Variants in CLGN observed in about 807,000 individuals in gnomAD.
The protein encoded by CLGN is testis tissue sperm-binding protein Li 79P.
In CLGN, 62 loss-of-function variants were observed where a neutral mutation model predicts 79.1. The ratio of observed to expected loss-of-function variants is 0.78; its 90% CI spans 0.64 to 0.97. The LOEUF (loss-of-function observed/expected upper bound fraction) is 0.97. Among genes scored for constraint, CLGN ranks in the 50% least tolerant of loss-of-function variants. CLGN has a pLI of 0.00. For synonymous variants in CLGN, 225 were observed against 224.7 expected, an observed-to-expected ratio of 1.00 and a Z score of -0.01; for missense variants, 647 against 715.5, an observed-to-expected ratio of 0.90 and a Z score of 1.09.
Position 140,390,966 on chromosome 4 carries a change from G to A in CLGN, c.1652-238C>T, listed in dbSNP as rs112508276. Among the ~76,000 whole-genome samples, 803 of 151,854 alleles carry A rather than the reference G, an allele frequency of 5.3e-3. 10 individuals carry two copies. The highest frequency in any genetic ancestry group is 0.017 in the African/African-American group (718 of 41,536). On this transcript the variant is annotated intron_variant, in intron 13 of 14. Coordinates refer to ENST00000325617, the MANE Select transcript of CLGN (RefSeq NM_004362.3). ...TAAAAAATTCTTAAGCATTCAGTCT[G>A]TATGTAATATGAAAACCAAAAAATA...
intron 1 of CLGN, among the ~76,000 whole-genome samples, chr4:140,415,172 G>A (rs1046964047): frequency 5.3e-5 from 8 of 152,080 alleles, no homozygotes; most frequent in African/African-American, 1.9e-4. Context: ...TCACCACCAG[G>A]CCTGCCCTAC....
Position 140,398,878 on chromosome 4 carries a change from T to A in CLGN, c.857A>T (p.Asp286Val). 3 of 1,613,940 alleles carry A rather than the reference T, an allele frequency of 1.9e-6. No homozygotes were observed. The highest frequency in any genetic ancestry group is 1.7e-4 in the Middle Eastern group (1 of 6,058). Residue 286 changes from aspartate (D) to valine (V), a missense_variant, in exon 8 of 15, where the codon GAT becomes GTT. Transcript: ENST00000325617. Reference protein sequence around the residue: ...EEWDERAKIPDPSAVKPEDWD... With the variant: ...EEWDERAKIPVPSAVKPEDWD... Reference sequence around the variant, plus strand: ...GTCTTCTGGTTTGACGGCAGAAGGATCAGGAATTTTTGCTCTTTCATCCCA... The same window carrying A: ...GTCTTCTGGTTTGACGGCAGAAGGAACAGGAATTTTTGCTCTTTCATCCCA...
At chr4:140,410,283 TAA>T (rs1444627810) in intron 3 of CLGN, among the ~76,000 whole-genome samples, 1 of 152,018 alleles carries the variant, frequency 6.6e-6, no homozygotes, top group Non-Finnish European at 1.5e-5. Flanking sequence ...CATCTGAACT[TAA>T]GAGTGTTAAT....
chr4:140,412,821 T>C, intron 2 of CLGN, 114 bp downstream of exon 2: 1 of 963,158 alleles, frequency 1.0e-6, no homozygotes, highest in Non-Finnish European at 1.5e-6. Context: ...ATCAATGTTT[T>C]TCTATCTAGC....
intron 2 of CLGN, among the ~76,000 whole-genome samples, chr4:140,411,016 T>C (rs968697636): frequency 5.3e-5 from 8 of 152,026 alleles, no homozygotes; most frequent in Admixed American, 2.0e-4. Flanking sequence ...GTTTTACTGT[T>C]AGGTACCCTA....
chr4:140,389,666 C>G lies in CLGN; in HGVS notation c.1753-362G>C, dbSNP rs1728737436. ...AACAATGATTATTTAAAACTTGGCTCTGGAAGAAATTCTCTTCACCTAGCT... is the reference window on the plus strand; with the variant it reads ...AACAATGATTATTTAAAACTTGGCTGTGGAAGAAATTCTCTTCACCTAGCT... On this transcript the variant is annotated intron_variant, in intron 14 of 14. Transcript: ENST00000325617. Among the ~76,000 whole-genome samples the G allele has an allele frequency of 2.0e-5, 3 of 151,702 alleles. 1 individual carries two copies. The highest frequency in any genetic ancestry group is 2.0e-4 in the Admixed American group (3 of 15,234).
At position 140,423,772 on chromosome 4, in the gene CLGN, T is replaced by C. The variant is rs1729513799; in HGVS notation, c.-10+3765A>G. On this transcript the variant is annotated intron_variant, in intron 1 of 14. Transcript: ENST00000325617. ...TTGATAGAGTGTGTGTTTCTAAGAATGTATCCATTTAATCTAGGTTATCCA... is the reference window on the plus strand; with the variant it reads ...TTGATAGAGTGTGTGTTTCTAAGAACGTATCCATTTAATCTAGGTTATCCA... Among the ~76,000 whole-genome samples the C allele has an allele frequency of 2.0e-5, 3 of 152,206 alleles. No homozygotes were observed. In the South Asian group the frequency reaches 6.2e-4, roughly 31 times the overall value.
intron 14 of CLGN, 25 bp downstream of exon 14, chr4:140,390,603 T>A: frequency 6.6e-7 from 1 of 1,518,680 alleles, no homozygotes; most frequent in Non-Finnish European, 8.9e-7. Context: ...CAACTATACA[T>A]AGAAACCAGC....
Position 140,399,025 on chromosome 4 carries a change from T to C in CLGN, c.710A>G (p.Asp237Gly). ...TTGATCAACTAACACCTCAAATGTG[T>C]CATCTGGATTCATCACTAAGGGACC... ...HLYTLVMNPD[D>G]TFEVLVDQTV... is the part of the protein sequence containing the mutation. The change falls in exon 8 of 15, where the codon GAC (aspartate) becomes GGC (glycine). Residue 237 changes from aspartate to glycine, a missense_variant. Coordinates refer to ENST00000325617, the MANE Select transcript of CLGN (RefSeq NM_004362.3). 2 of 1,608,994 alleles carry C rather than the reference T, an allele frequency of 1.2e-6. No homozygotes were observed. The highest frequency in any genetic ancestry group is 2.2e-5 in the South Asian group (2 of 89,548).
chr4:140,420,136 AC>A (rs971374231), intron 1 of CLGN, among the ~76,000 whole-genome samples: 63 of 152,240 alleles, frequency 4.1e-4, no homozygotes, highest in African/African-American at 1.2e-3. Context: ...TGAAAAAAAA[AC>A]ATTCTAAGTG....
chr4:140,395,291 C>T (rs1057014672), intron 10 of CLGN, among the ~76,000 whole-genome samples: 3 of 151,940 alleles, frequency 2.0e-5, no homozygotes, highest in Non-Finnish European at 4.4e-5. Context: ...GGACTACAGG[C>T]GTGCGCCACC....
intron 7 of CLGN, 45 bp downstream of exon 7, chr4:140,400,312 G>T: frequency 7.2e-7 from 1 of 1,387,660 alleles, no homozygotes; most frequent in Non-Finnish European, 1.0e-6. Context: ...TACATCAATA[G>T]TCAGCAAATA....
Position 140,393,852 on chromosome 4 carries a change from TCCATCTCCAA to T in CLGN, c.1329_1338del (p.Trp444LysfsTer2). ...TTATTAGCATTTGCTATCATTATTT[TCCATCTCCAA>T]CCATCTGCAGCCCAGTGATCTGCTA... On this transcript the variant is annotated frameshift_variant, in exon 11 of 15. Coordinates refer to ENST00000325617, the MANE Select transcript of CLGN (RefSeq NM_004362.3). LOFTEE classifies it high-confidence loss of function. 6.2e-7 allele frequency: 1 copy of T among 1,613,722 alleles called. No individual in the cohort carries two copies. Among genetic ancestry groups the T allele is most frequent in the Non-Finnish European group, 8.5e-7 (1 of 1,179,746 alleles).
At chr4:140,413,671 C>T (rs926077436) in intron 1 of CLGN, among the ~76,000 whole-genome samples, 3 of 152,234 alleles carry the variant, frequency 2.0e-5, no homozygotes, top group Non-Finnish European at 4.4e-5. Context: ...CGGCGCACCA[C>T]GAGATTATAT....
At position 140,406,007 on chromosome 4, in the gene CLGN, C is replaced by T. The variant is rs1729099909; in HGVS notation, c.354G>A (p.Lys118=). The T allele has an allele frequency of 1.2e-6, 2 of 1,613,418 alleles. No individual in the cohort carries two copies. The highest frequency in any genetic ancestry group is 1.3e-5 in the African/African-American group (1 of 74,902). ...DRGLVLKSRA[K]HHAISAVLAK... The stretch of plus-strand genomic sequence containing the variant: ...CTAATACAGCAGATATTGCATGATG[C>T]TTTGCTCTAGATTTTAATACCAGTC... Residue 118 remains lysine, a synonymous_variant, in exon 5 of 15, where the codon AAG becomes AAA. Coordinates refer to ENST00000325617, the MANE Select transcript of CLGN (RefSeq NM_004362.3).
intron 1 of CLGN, among the ~76,000 whole-genome samples, chr4:140,425,386 T>C (rs1417928113): frequency 6.6e-6 from 1 of 151,190 alleles, no homozygotes; most frequent in Non-Finnish European, 1.5e-5. Flanking sequence ...TGGAGGAGAG[T>C]CATTTTATTA....
In CLGN at chr4:140,395,408, A is replaced by T. The variant is rs538815473; in HGVS notation, c.1149+411T>A. On this transcript the variant is annotated intron_variant, in intron 10 of 14. Transcript: ENST00000325617. ...TGATCCGCCCGCCTTGGACTCCCAAAGTGCTGGGATTACAGGCATGAGCCA... is the reference window on the plus strand; with the variant it reads ...TGATCCGCCCGCCTTGGACTCCCAATGTGCTGGGATTACAGGCATGAGCCA... Among the ~76,000 whole-genome samples the T allele has an allele frequency of 2.4e-4, 37 of 152,162 alleles. 2 individuals are homozygous for T. The highest frequency in any genetic ancestry group is 1.6e-3 in the Admixed American group (25 of 15,274).
At position 140,396,216 on chromosome 4, in the gene CLGN, A is replaced by T; in HGVS notation, c.885-11T>A. Reference sequence around the variant, plus strand: ...GGTTCACTTTCATCCCTGTAAATACAACGTTTTATATTACTAATTATTCAG... The same window carrying T: ...GGTTCACTTTCATCCCTGTAAATACTACGTTTTATATTACTAATTATTCAG... On this transcript the variant is annotated splice_polypyrimidine_tract_variant and intron_variant, in intron 8 of 14. Coordinates refer to ENST00000325617, the MANE Select transcript of CLGN (RefSeq NM_004362.3). 1.3e-6 allele frequency: 2 copies of T among 1,567,654 alleles called. No homozygotes were observed. The highest frequency in any genetic ancestry group is 2.2e-5 in the South Asian group (2 of 90,010).
chr4:140,390,987 AAAT>A (rs1252181719), intron 13 of CLGN, among the ~76,000 whole-genome samples: 1 of 151,762 alleles, frequency 6.6e-6, no homozygotes, highest in Non-Finnish European at 1.5e-5. Context: ...GAAAACCAAA[AAAT>A]AATAATCTTT....
Sources: gnomAD v4.1 joint callset for allele counts (sites outside exome capture counted in the v4.1 genomes callset) on GRCh38, gnomAD v4.1.1 for gene constraint, MANE v1.5 for transcripts, NCBI Gene and HGNC (gene_info 2026-07-23, HGNC 2026-07-21) for gene names.